C11orf58: variants seen among roughly 807,000 people sequenced by gnomAD.
C11orf58 encodes chromosome 11 open reading frame 58, also known as small acidic protein.
C11orf58 carries 5 observed loss-of-function variants against 22.7 expected under a neutral mutation model. The observed-to-expected ratio is 0.22, with a 90% CI of 0.12 to 0.46. C11orf58 has a LOEUF of 0.46. Ranked by LOEUF, C11orf58 falls within the 20% of genes least tolerant of loss-of-function variation. The pLI is 0.99. For missense variants in C11orf58, 151 were observed against 223.3 expected (o/e 0.68, Z 2.06); for synonymous variants, 71 against 70.7 (o/e 1.00, Z -0.02).
chr11:16,738,868 G>C (rs749192752), intron 1 of C11orf58, 27 bp downstream of exon 1: 1 of 1,613,622 alleles, frequency 6.2e-7, no homozygotes, highest in Non-Finnish European at 8.5e-7. Flanking sequence ...GAGTGGCTGA[G>C]GGTTGAGGCC....
intron 1 of C11orf58, among the ~76,000 whole-genome samples, chr11:16,740,340 A>T (rs1848436289): frequency 6.6e-6 from 1 of 152,172 alleles, no homozygotes; most frequent in African/African-American, 2.4e-5. Flanking sequence ...GTCGGTTTAA[A>T]CTAGACGACC....
intron 1 of C11orf58, 125 bp downstream of exon 1, chr11:16,738,966 A>G (rs1848420099): frequency 5.9e-6 from 6 of 1,016,588 alleles, no homozygotes; most frequent in Admixed American, 2.0e-5. Context: ...GGAAGAAACC[A>G]GAAGAATGAG....
At chr11:16,743,198 C>T (rs564790836) in intron 1 of C11orf58, among the ~76,000 whole-genome samples, 3 of 152,266 alleles carry the variant, frequency 2.0e-5, no homozygotes, top group South Asian at 4.1e-4. Flanking sequence ...TCCTTCCAGT[C>T]ACCTTGTGTA....
rs1418054441 is a variant in C11orf58, at chr11:16,756,601, A to T, written c.*1497A>T. Among the ~76,000 whole-genome samples the T allele has an allele frequency of 6.7e-6, 1 of 150,118 alleles. No individual in the cohort carries two copies. Among genetic ancestry groups the T allele is most frequent in the Non-Finnish European group, 1.5e-5 (1 of 67,594 alleles). On this transcript the variant is annotated 3_prime_UTR_variant, in exon 5 of 5. Coordinates refer to ENST00000228136, the MANE Select transcript of C11orf58 (RefSeq NM_014267.6). ...GTTGGAATTTTTAAAAATTATTCTT[A>T]TGTCACTTTGAAATGTAGAACGTGT...
In C11orf58 at chr11:16,748,128, A is replaced by G; in HGVS notation, c.179A>G (p.Asp60Gly). ...CATACTGGTCGTCTTGTTATAGGAG[A>G]TCACAAATCAACATCTCACTTCCGA... is the stretch of plus-strand genomic sequence containing the variant. ...KEHTGRLVIGDHKSTSHFRTG... is the reference protein window; with the variant it reads ...KEHTGRLVIGGHKSTSHFRTG... Residue 60 changes from aspartate to glycine, a missense_variant, in exon 3 of 5, where the codon GAT becomes GGT. Coordinates refer to ENST00000228136, the MANE Select transcript of C11orf58 (RefSeq NM_014267.6). 6.2e-7 allele frequency: 1 copy of G among 1,613,256 alleles called. No individual in the cohort carries two copies. Among genetic ancestry groups the G allele is most frequent in the Non-Finnish European group, 8.5e-7 (1 of 1,179,318 alleles).
In C11orf58 at chr11:16,744,631, T is replaced by C; in HGVS notation, c.94T>C (p.Leu32=). The stretch of plus-strand genomic sequence containing the variant: ...ATCTAGCAATTGGGAGGCAGCAGAC[T>C]TGGGTAATGAAGAGAGAAAACAAAA... ...LGSSNWEAAD[L]GNEERKQKFL... Residue 32 remains leucine (L), a synonymous_variant, in exon 2 of 5, where the codon TTG becomes CTG. Coordinates refer to ENST00000228136, the MANE Select transcript of C11orf58 (RefSeq NM_014267.6). The C allele has an allele frequency of 6.2e-7, 1 of 1,613,960 alleles. No homozygotes were observed. The highest frequency in any genetic ancestry group is 8.5e-7 in the Non-Finnish European group (1 of 1,179,922).
chr11:16,748,850 T>C lies in C11orf58; in HGVS notation c.208+693T>C, dbSNP rs558687689. ...AAAGATGAGAGAGTATATGTCATTA[T>C]GATATTCTAACCAAGAAACTAACCT... On this transcript the variant is annotated intron_variant, in intron 3 of 4. Coordinates refer to ENST00000228136, the MANE Select transcript of C11orf58 (RefSeq NM_014267.6). 3.9e-5 allele frequency among the ~76,000 whole-genome samples: 6 copies of C among 152,350 alleles called. No homozygotes were observed. In the South Asian group the frequency reaches 6.2e-4, roughly 16 times the overall value.
chr11:16,748,749 A>G (rs932683485), intron 3 of C11orf58, among the ~76,000 whole-genome samples: 4 of 152,026 alleles, frequency 2.6e-5, no homozygotes, highest in Non-Finnish European at 5.9e-5. Context: ...TGTCTCCAAA[A>G]AAAAAAATTA....
At chr11:16,746,479 A>G (rs1848488713) in intron 2 of C11orf58, among the ~76,000 whole-genome samples, 2 of 152,206 alleles carry the variant, frequency 1.3e-5, no homozygotes, top group Non-Finnish European at 2.9e-5. Context: ...TTCAACTAAA[A>G]TCAGTTAAAA....
chr11:16,755,229 A>C lies in C11orf58; in HGVS notation c.*125A>C. The C allele has an allele frequency of 8.6e-7, 1 of 1,166,336 alleles. No homozygotes were observed. Among genetic ancestry groups the C allele is most frequent in the South Asian group, 1.5e-5 (1 of 64,720 alleles). 72.2% of individuals were successfully genotyped at this position (1,166,336 alleles called of 1,614,324 possible). On this transcript the variant is annotated 3_prime_UTR_variant, in exon 5 of 5. Coordinates refer to ENST00000228136, the MANE Select transcript of C11orf58 (RefSeq NM_014267.6). ...AAAAAGGCCCTTTTAAATAATTACA[A>C]AGAGTGTTTGCTTTCAAATGCCATG...
chr11:16,746,052 T>C (rs190898725), intron 2 of C11orf58, among the ~76,000 whole-genome samples: 93 of 152,338 alleles, frequency 6.1e-4, no homozygotes, highest in Non-Finnish European at 1.2e-3. Flanking sequence ...ATAATAGCAA[T>C]ACAGAATTGT....
At chr11:16,751,748 G>T (rs1360431038) in intron 3 of C11orf58, 1 of 152,190 alleles carries the variant, frequency 6.6e-6, no homozygotes, top group African/African-American at 2.4e-5. Flanking sequence ...CCTTCAAAGA[G>T]TTTGAGTATT....
rs955391689 is a variant in C11orf58, at chr11:16,758,198, A to G, written c.*3094A>G. ...TCTAGGCTTCCTGATCTATCAATTC[A>G]GTATCATGATTGTTAACCCAAACGA... On this transcript the variant is annotated 3_prime_UTR_variant, in exon 5 of 5. Coordinates refer to ENST00000228136, the MANE Select transcript of C11orf58 (RefSeq NM_014267.6). 6.6e-6 allele frequency among the ~76,000 whole-genome samples: 1 copy of G among 152,086 alleles called. No individual in the cohort carries two copies. The highest frequency in any genetic ancestry group is 1.9e-4 in the East Asian group (1 of 5,200).
rs1363672518 is a variant in C11orf58, at chr11:16,757,446, T to TAACA, written c.*2345_*2348dup. Among the ~76,000 whole-genome samples the TAACA allele has an allele frequency of 6.6e-6, 1 of 152,202 alleles. No individual in the cohort carries two copies. The highest frequency in any genetic ancestry group is 1.5e-5 in the Non-Finnish European group (1 of 68,028). ...TTCAATTAATTCATTTATTGGGTGCTAACAAAATTCAGGGTTAGAGTAAAT... is the reference window on the plus strand; with the variant it reads ...TTCAATTAATTCATTTATTGGGTGCTAACAAACAAAATTCAGGGTTAGAGTAAAT... On this transcript the variant is annotated 3_prime_UTR_variant, in exon 5 of 5. Coordinates refer to ENST00000228136, the MANE Select transcript of C11orf58 (RefSeq NM_014267.6).
intron 2 of C11orf58, among the ~76,000 whole-genome samples, chr11:16,745,607 T>C (rs1214863419): frequency 6.6e-6 from 1 of 152,168 alleles, no homozygotes; most frequent in African/African-American, 2.4e-5. Flanking sequence ...AAAGGAGGGA[T>C]TGTCTTACTG....
intron 1 of C11orf58, among the ~76,000 whole-genome samples, chr11:16,740,207 T>C (rs1390203251): frequency 2.0e-5 from 3 of 152,242 alleles, no homozygotes; most frequent in African/African-American, 7.2e-5. Context: ...TAAATGTGAC[T>C]TGATTGCTAG....
At chr11:16,745,870 CTTTT>C (rs1441989985) in intron 2 of C11orf58, among the ~76,000 whole-genome samples, 1 of 152,042 alleles carries the variant, frequency 6.6e-6, no homozygotes, top group African/African-American at 2.4e-5. Context: ...CTTTTTTTCT[CTTTT>C]TTTAAGCACA....
rs572698127 is a variant in C11orf58, at chr11:16,755,462, T to C, written c.*358T>C. 6.0e-6 allele frequency: 1 copy of C among 167,254 alleles called. No individual in the cohort carries two copies. The highest frequency in any genetic ancestry group is 1.3e-5 in the Non-Finnish European group (1 of 77,174). The allele number at this position is 167,254 out of a possible 1,614,324, so 10.4% of individuals were successfully genotyped here. On this transcript the variant is annotated 3_prime_UTR_variant, in exon 5 of 5. Transcript: ENST00000228136. Reference sequence around the variant, plus strand: ...TCTCTTATAAAAATGTATTTGATACTGTGATATGTTCACGAAAAGTATTCT... The same window carrying C: ...TCTCTTATAAAAATGTATTTGATACCGTGATATGTTCACGAAAAGTATTCT...
At chr11:16,747,527 AT>A (rs1358668183) in intron 2 of C11orf58, 1 of 151,706 alleles carries the variant, frequency 6.6e-6, no homozygotes, top group East Asian at 1.9e-4. Context: ...AGAGTACAGG[AT>A]TGTTTTAAAT....
Sources: gnomAD v4.1 joint callset for allele counts (sites outside exome capture counted in the v4.1 genomes callset) on GRCh38, gnomAD v4.1.1 for gene constraint, MANE v1.5 for transcripts, NCBI Gene and HGNC (gene_info 2026-07-23, HGNC 2026-07-21) for gene names.